COL6A5: variants seen among roughly 807,000 people sequenced by gnomAD.
COL6A5 encodes the protein collagen type VI alpha 5 chain, also known as collagen alpha-5(VI) chain.
A neutral mutation model predicts 65.6 loss-of-function variants in COL6A5; 48 were observed. The ratio of observed to expected loss-of-function variants is 0.73; its 90% CI spans 0.58 to 0.93. COL6A5 has a LOEUF of 0.93. Ranked by LOEUF, COL6A5 falls within the 40% of genes least tolerant of loss-of-function variation. The pLI, the probability that COL6A5 is intolerant of heterozygous loss-of-function variation, is 0.00. For synonymous variants in COL6A5, 291 were observed against 322.8 expected (o/e 0.90, Z 1.05); for missense variants, 914 against 928.3 (o/e 0.98, Z 0.20).
intron 5 of COL6A5, among the ~76,000 whole-genome samples, chr3:130,461,427 C>T (rs1268480121): frequency 6.6e-6 from 1 of 152,100 alleles, no homozygotes; most frequent in Non-Finnish European, 1.5e-5. Context: ...ACTTTATAGA[C>T]ATTATTTTAT....
At chr3:130,359,548 GT>G (rs1244877633) in intron 1 of COL6A5, among the ~76,000 whole-genome samples, 1 of 151,948 alleles carries the variant, frequency 6.6e-6, no homozygotes, top group African/African-American at 2.4e-5. Context: ...AGTACTTAAA[GT>G]TATATCAAAA....
intron 6 of COL6A5, among the ~76,000 whole-genome samples, chr3:130,469,904 C>T (rs1471698015): frequency 6.6e-6 from 1 of 152,036 alleles, no homozygotes; most frequent in Non-Finnish European, 1.5e-5. Flanking sequence ...CTAGACTCAA[C>T]CCCTCACATT....
intron 28 of COL6A5, 102 bp downstream of exon 28, chr3:130,422,884 T>A (rs757124921): frequency 3.0e-6 from 2 of 660,254 alleles, no homozygotes; most frequent in Non-Finnish European, 4.9e-6. Context: ...CCCAAGGGCA[T>A]CTGAAATGCC....
chr3:130,396,380 T>A (rs1936600611), intron 8 of COL6A5, among the ~76,000 whole-genome samples: 1 of 152,210 alleles, frequency 6.6e-6, no homozygotes, highest in African/African-American at 2.4e-5. Flanking sequence ...TGGAGGCAGA[T>A]TACAGTGGTG....
intron 1 of COL6A5, among the ~76,000 whole-genome samples, chr3:130,358,390 G>A (rs1934997683): frequency 6.6e-6 from 1 of 152,048 alleles, no homozygotes; most frequent in Non-Finnish European, 1.5e-5. Context: ...AGAAAGTTCA[G>A]CAAAGTGGTC....
intron 1 of COL6A5, among the ~76,000 whole-genome samples, chr3:130,433,563 T>C (rs1360772533): frequency 2.0e-5 from 3 of 152,100 alleles, no homozygotes; most frequent in African/African-American, 4.8e-5. Context: ...CTTCCCTGCC[T>C]TGCACTCTTC....
chr3:130,403,398 G>T (rs538481494), intron 12 of COL6A5, among the ~76,000 whole-genome samples: 1 of 152,102 alleles, frequency 6.6e-6, no homozygotes, highest in East Asian at 1.9e-4. Flanking sequence ...GCATTAGGAG[G>T]GTCACCTTCT....
chr3:130,390,657 A>G (rs2107652610), intron 6 of COL6A5, among the ~76,000 whole-genome samples: 1 of 152,298 alleles, frequency 6.6e-6, no homozygotes, highest in East Asian at 1.9e-4. Flanking sequence ...AAGCATAAAT[A>G]ACTGCAGAGA....
At chr3:130,401,225 T>G in intron 11 of COL6A5, 52 bp downstream of exon 11, 1 of 1,464,950 alleles carries the variant, frequency 6.8e-7, no homozygotes, top group Non-Finnish European at 9.1e-7. Flanking sequence ...GGGAACTAAA[T>G]TGGAATCTTG....
intron 4 of COL6A5, among the ~76,000 whole-genome samples, chr3:130,452,923 G>A (rs1169082795): frequency 2.0e-5 from 3 of 152,108 alleles, no homozygotes; most frequent in Non-Finnish European, 4.4e-5. Context: ...AGAATTCAGT[G>A]ATATTTCTCC....
intron 1 of COL6A5, among the ~76,000 whole-genome samples, chr3:130,362,821 C>G (rs1274122780): frequency 6.6e-6 from 1 of 152,156 alleles, no homozygotes; most frequent in Admixed American, 6.5e-5. Context: ...GAAGTTTTCT[C>G]TGTCTGAAAT....
At chr3:130,453,378 G>A (rs1055737556) in intron 4 of COL6A5, among the ~76,000 whole-genome samples, 5 of 152,090 alleles carry the variant, frequency 3.3e-5, no homozygotes, top group Admixed American at 1.3e-4. Context: ...GGGTCCCTCC[G>A]TTTGGGGTCC....
At chr3:130,429,877 C>G (rs955877945), upstream of COL6A5, among the ~76,000 whole-genome samples, 1 of 152,166 alleles carries the variant, frequency 6.6e-6, no homozygotes, top group Non-Finnish European at 1.5e-5. Context: ...TCTGACTAAT[C>G]CACGTTCTGT....
chr3:130,484,189 C>A, exon 8 of COL6A5: 1 of 732,612 alleles, frequency 1.4e-6, no homozygotes, highest in Non-Finnish European at 2.0e-6. Flanking sequence ...TAATAGCATG[C>A]TAAATTTGTT....
rs202221090 is a variant in COL6A5 at position 130,426,392 on chromosome 3, G to A, written c.5225G>A (p.Arg1742Gln). 170 of 1,551,060 alleles carry A rather than the reference G, an allele frequency of 1.1e-4. No individual in the cohort carries two copies. In the East Asian group the frequency reaches 2.2e-3, roughly 20 times the overall value. The change falls in exon 31 of 42, where the codon CGG becomes CAG. Residue 1742 changes from arginine to glutamine, a missense_variant and NMD_transcript_variant. Arg to Gln is a conservative substitution (Grantham distance 43). Transcript: ENST00000312481. ...CAATGTGATCTGATCCGGTTTTTGC[G>A]GGAACATAGTCGTGAGTATCTGTTA...
At chr3:130,402,197 T>C (rs574203433) in intron 12 of COL6A5, among the ~76,000 whole-genome samples, 5 of 152,298 alleles carry the variant, frequency 3.3e-5, no homozygotes, top group South Asian at 2.1e-4. Context: ...TCCCAGCTAC[T>C]TGGGAGGCTA....
chr3:130,403,045 CT>C (rs896173524), intron 12 of COL6A5, among the ~76,000 whole-genome samples: 1 of 152,142 alleles, frequency 6.6e-6, no homozygotes, highest in Non-Finnish European at 1.5e-5. Context: ...CACAACCCCC[CT>C]GGTATACTGA....
Position 130,463,107 on chromosome 3 carries a change from C to T in COL6A5, c.1545-5688C>T, listed in dbSNP as rs547707950. ...CAAGCGTAGAGCTGAGCACAAGACC[C>T]GAAGCAAACTGAGTGTTTGATTAAA... On this transcript the variant is annotated intron_variant, in intron 5 of 7. Coordinates refer to ENST00000512836, the Ensembl canonical transcript of COL6A5. 1.9e-4 allele frequency among the ~76,000 whole-genome samples: 29 copies of T among 152,096 alleles called. No homozygotes were observed. In the South Asian group the frequency reaches 5.4e-3, roughly 28 times the overall value.
chr3:130,438,767 A>G (rs2107701146), intron 1 of COL6A5, among the ~76,000 whole-genome samples: 1 of 152,290 alleles, frequency 6.6e-6, no homozygotes, highest in South Asian at 2.1e-4. Context: ...CTTTCATAAT[A>G]AAAGTATCTG....
Sources: gnomAD v4.1 joint callset for allele counts (sites outside exome capture counted in the v4.1 genomes callset) on GRCh38, gnomAD v4.1.1 for gene constraint, MANE v1.5 for transcripts, NCBI Gene and HGNC (gene_info 2026-07-23, HGNC 2026-07-21) for gene names.